LRMDA: variants seen among roughly 807,000 people sequenced by gnomAD.
LRMDA encodes the protein leucine-rich melanocyte differentiation-associated protein.
In LRMDA, 18 loss-of-function variants were observed where a neutral mutation model predicts 29.8. The ratio of observed to expected loss-of-function variants is 0.60; its 90% confidence interval spans 0.42 to 0.90. The LOEUF (loss-of-function observed/expected upper bound fraction) is 0.90. LRMDA is among the 40% of genes least tolerant of loss of function. The pLI is 0.00. For synonymous variants in LRMDA, 125 were observed against 109.4 expected, an observed-to-expected ratio of 1.14 and a Z score of -0.89; for missense variants, 273 against 273.9, an observed-to-expected ratio of 1.00 and a Z score of 0.02.
At chr10:75,538,628 TGTTTTG>T (rs1017077083) in intron 2 of LRMDA, among the ~76,000 whole-genome samples, 4 of 151,574 alleles carry the variant, frequency 2.6e-5, no homozygotes, top group Admixed American at 6.6e-5. Flanking sequence ...TTTGTTTGTT[TGTTTTG>T]TGTTTTTGGC....
chr10:75,557,834 G>A (rs1840234139), intron 2 of LRMDA, among the ~76,000 whole-genome samples: 1 of 152,158 alleles, frequency 6.6e-6, no homozygotes, highest in African/African-American at 2.4e-5. Context: ...ATGTCGATCT[G>A]TTAAGTCCCA....
chr10:76,419,427 C>G (rs1842051304), intron 6 of LRMDA, among the ~76,000 whole-genome samples: 1 of 151,984 alleles, frequency 6.6e-6, no homozygotes, highest in African/African-American at 2.4e-5. Context: ...TAGCATGTTT[C>G]CTTTTAGTGC....
chr10:76,170,009 A>C lies in LRMDA; in HGVS notation c.516+111226A>C, dbSNP rs114183222. On this transcript the variant is annotated intron_variant, in intron 5 of 6. Transcript: ENST00000611255. ...AAGTTTCCTGTAGCCTGTGTCCTAG[A>C]GTATGCAGAGAGGAAGCTGAAAGGT... 5.6e-3 allele frequency among the ~76,000 whole-genome samples: 860 copies of C among 152,246 alleles called. 9 individuals carry two copies. The highest frequency in any genetic ancestry group is 0.019 in the African/African-American group (791 of 41,558).
rs16932720 is a variant in LRMDA at position 75,929,204 on chromosome 10, T to C, written c.132-106804T>C. On this transcript the variant is annotated intron_variant, in intron 2 of 6. Coordinates refer to ENST00000611255, the MANE Select transcript of LRMDA (RefSeq NM_001305581.2). ...GGGTGTGACCAGGGAAGAAAAGTGG[T>C]GGCAAATCCCATTATAAACATGGAT... Among the ~76,000 whole-genome samples the C allele has an allele frequency of 6.5e-3, 989 of 152,180 alleles. 49 individuals are homozygous for C. In the East Asian group the frequency reaches 0.14, roughly 22 times the overall value.
chr10:75,582,005 G>A (rs1402785219), intron 2 of LRMDA, among the ~76,000 whole-genome samples: 3 of 152,236 alleles, frequency 2.0e-5, no homozygotes, highest in Non-Finnish European at 4.4e-5. Context: ...ACTGATGTGA[G>A]GGGTGGGCTC....
At chr10:76,517,912 T>A (rs1254807832) in intron 6 of LRMDA, among the ~76,000 whole-genome samples, 1 of 135,516 alleles carries the variant, frequency 7.4e-6, no homozygotes, top group East Asian at 2.0e-4. Flanking sequence ...CCCAACCTAG[T>A]GAAGCAGAGA....
At chr10:76,472,049 C>T (rs1842623251) in intron 6 of LRMDA, among the ~76,000 whole-genome samples, 1 of 151,652 alleles carries the variant, frequency 6.6e-6, no homozygotes, top group Admixed American at 6.6e-5. Context: ...AAATAGAAGA[C>T]TTGGACAACA....
intron 2 of LRMDA, among the ~76,000 whole-genome samples, chr10:75,619,086 T>C (rs1363854507): frequency 6.6e-6 from 1 of 152,154 alleles, no homozygotes; most frequent in Non-Finnish European, 1.5e-5. Flanking sequence ...TGTAAGCCAC[T>C]GCACCCGGCC....
chr10:76,214,490 G>A (rs575767892), intron 5 of LRMDA, among the ~76,000 whole-genome samples: 9 of 151,770 alleles, frequency 5.9e-5, no homozygotes, highest in South Asian at 2.1e-4. Context: ...GACTACAGGC[G>A]CCCACCACCG....
At chr10:75,804,341 A>G (rs1843810361) in intron 2 of LRMDA, among the ~76,000 whole-genome samples, 3 of 152,098 alleles carry the variant, frequency 2.0e-5, no homozygotes, top group African/African-American at 4.8e-5. Context: ...CTCTCACCAC[A>G]TTGTTCTAGT....
chr10:75,654,824 T>C (rs1254946611), intron 2 of LRMDA, among the ~76,000 whole-genome samples: 1 of 152,200 alleles, frequency 6.6e-6, no homozygotes, highest in Non-Finnish European at 1.5e-5. Context: ...GAAAAGCATG[T>C]CTTTGAGAAG....
intron 2 of LRMDA, among the ~76,000 whole-genome samples, chr10:76,009,458 C>T (rs548934406): frequency 1.6e-4 from 24 of 152,268 alleles, no homozygotes; most frequent in African/African-American, 5.8e-4. Context: ...GCTAGGGGGC[C>T]CCTAAAAAAG....
chr10:75,986,774 G>A (rs1847269280), intron 2 of LRMDA, among the ~76,000 whole-genome samples: 1 of 152,230 alleles, frequency 6.6e-6, no homozygotes. Flanking sequence ...GGTTTATAAC[G>A]CAGATCAGAT....
chr10:75,696,285 C>T (rs1450914761), intron 2 of LRMDA, among the ~76,000 whole-genome samples: 2 of 152,164 alleles, frequency 1.3e-5, no homozygotes, highest in Non-Finnish European at 2.9e-5. Flanking sequence ...TGATTGTTTT[C>T]GTCACATAGG....
At chr10:76,052,685 G>A (rs1257787050) in intron 4 of LRMDA, among the ~76,000 whole-genome samples, 1 of 152,242 alleles carries the variant, frequency 6.6e-6, no homozygotes, top group Non-Finnish European at 1.5e-5. Flanking sequence ...GACCTGAAAA[G>A]CTCAATGTGC....
intron 2 of LRMDA, among the ~76,000 whole-genome samples, chr10:75,657,716 G>T (rs534807107): frequency 6.6e-6 from 1 of 152,326 alleles, no homozygotes; most frequent in Admixed American, 6.5e-5. Context: ...TGGTATTTAG[G>T]TTTGCTTCCA....
chr10:75,463,186 G>A (rs1014248163), intron 2 of LRMDA, among the ~76,000 whole-genome samples: 5 of 152,198 alleles, frequency 3.3e-5, no homozygotes, highest in African/African-American at 1.2e-4. Context: ...GACCTCAGCT[G>A]GGCATGTCTT....
At chr10:75,995,148 A>C (rs2132463318) in intron 2 of LRMDA, among the ~76,000 whole-genome samples, 1 of 152,342 alleles carries the variant, frequency 6.6e-6, no homozygotes, top group African/African-American at 2.4e-5. Flanking sequence ...GCTGAGCTTC[A>C]GAGGGCAGCT....
chr10:76,477,157 G>A (rs992326182), intron 6 of LRMDA, among the ~76,000 whole-genome samples: 2 of 152,092 alleles, frequency 1.3e-5, no homozygotes, highest in East Asian at 1.9e-4. Flanking sequence ...AAACCCCATC[G>A]TCTCAGCCCA....
Sources: gnomAD v4.1 joint callset for allele counts (sites outside exome capture counted in the v4.1 genomes callset) on GRCh38, gnomAD v4.1.1 for gene constraint, MANE v1.5 for transcripts, NCBI Gene and HGNC (gene_info 2026-07-23, HGNC 2026-07-21) for gene names.